Variants in ZMAT4 observed in about 807,000 individuals in gnomAD.
ZMAT4 encodes zinc finger matrin-type protein 4.
A neutral mutation model predicts 28.7 loss-of-function variants in ZMAT4; 17 were observed. The observed-to-expected ratio is 0.59, with a 90% CI of 0.41 to 0.89. The LOEUF is 0.89. Among genes scored for constraint, ZMAT4 ranks in the 40% least tolerant of loss-of-function variants. ZMAT4 has a pLI of 0.00. For synonymous variants in ZMAT4, 117 were observed against 109.2 expected (o/e 1.07, Z -0.44); for missense variants, 240 against 283.8 (o/e 0.85, Z 1.11).
intron 1 of ZMAT4, among the ~76,000 whole-genome samples, chr8:40,830,157 TG>T (rs1816227105): frequency 2.0e-5 from 3 of 152,302 alleles, no homozygotes; most frequent in South Asian, 4.1e-4. Context: ...CAGAGAGACC[TG>T]GGGCTTCATG....
At chr8:40,890,581 C>T (rs1000345913) in intron 1 of ZMAT4, among the ~76,000 whole-genome samples, 2 of 152,088 alleles carry the variant, frequency 1.3e-5, no homozygotes, top group South Asian at 2.1e-4. Context: ...CTCCCCTTTG[C>T]GCCCCTCTCA....
At chr8:40,785,391 T>C (rs2150574826) in intron 2 of ZMAT4, among the ~76,000 whole-genome samples, 1 of 152,350 alleles carries the variant, frequency 6.6e-6, no homozygotes, top group South Asian at 2.1e-4. Context: ...CAAAGAACAA[T>C]GCATGTTAGA....
chr8:40,671,001 G>T (rs1349679069), intron 5 of ZMAT4, among the ~76,000 whole-genome samples: 2 of 150,960 alleles, frequency 1.3e-5, no homozygotes, highest in African/African-American at 2.4e-5. Flanking sequence ...CTGGGAGGCA[G>T]AGGTTGCAGT....
intron 6 of ZMAT4, among the ~76,000 whole-genome samples, chr8:40,543,185 T>C (rs773212865): frequency 2.6e-5 from 4 of 152,046 alleles, no homozygotes; most frequent in Non-Finnish European, 4.4e-5. Context: ...TCCATATCCA[T>C]TACTGAAAGC....
intron 5 of ZMAT4, among the ~76,000 whole-genome samples, chr8:40,616,760 T>C (rs1806023019): frequency 6.6e-6 from 1 of 151,656 alleles, no homozygotes; most frequent in South Asian, 2.1e-4. Flanking sequence ...GGAGGAGGGA[T>C]AGCATTAGGA....
intron 6 of ZMAT4, among the ~76,000 whole-genome samples, chr8:40,552,138 C>T (rs560738865): frequency 6.6e-6 from 1 of 152,284 alleles, no homozygotes; most frequent in South Asian, 2.1e-4. Flanking sequence ...AAAGATTTCT[C>T]ATAATAGCCC....
chr8:40,725,639 T>A (rs1405985237), intron 3 of ZMAT4, among the ~76,000 whole-genome samples: 7 of 152,120 alleles, frequency 4.6e-5, no homozygotes, highest in Non-Finnish European at 1.0e-4. Context: ...GTACACTAAA[T>A]ATCTCCTTTA....
At chr8:40,763,232 G>A (rs1314246190) in intron 3 of ZMAT4, among the ~76,000 whole-genome samples, 1 of 152,182 alleles carries the variant, frequency 6.6e-6, no homozygotes, top group Non-Finnish European at 1.5e-5. Context: ...GTCCCCCAGC[G>A]CTTTGCAGAT....
At chr8:40,613,103 G>T (rs909516620) in intron 5 of ZMAT4, among the ~76,000 whole-genome samples, 1 of 151,292 alleles carries the variant, frequency 6.6e-6, no homozygotes, top group African/African-American at 2.4e-5. Context: ...GAGCCACCGT[G>T]ACCGGCCTCT....
chr8:40,872,119 G>A (rs1201299558), intron 1 of ZMAT4, among the ~76,000 whole-genome samples: 1 of 152,188 alleles, frequency 6.6e-6, no homozygotes, highest in Non-Finnish European at 1.5e-5. Flanking sequence ...GGACCTCTGA[G>A]GTTGCACTGA....
intron 3 of ZMAT4, among the ~76,000 whole-genome samples, chr8:40,709,869 T>C (rs1585917368): frequency 6.6e-6 from 1 of 151,946 alleles, no homozygotes; most frequent in Non-Finnish European, 1.5e-5. Context: ...AAACTCTGTC[T>C]CTACTAAAAA....
rs1399876587 is a variant in ZMAT4 at position 40,636,142 on chromosome 8, G to T, written c.577+38562C>A. 2.0e-5 allele frequency among the ~76,000 whole-genome samples: 3 copies of T among 152,302 alleles called. No homozygotes were observed. The East Asian group carries it at 5.8e-4, about 29-fold the overall frequency. Reference sequence around the variant, plus strand: ...CATACATGCCTCTCAATATTCAATTGCTTTTTAATTCAGTGGACGTGAGAA... The same window carrying T: ...CATACATGCCTCTCAATATTCAATTTCTTTTTAATTCAGTGGACGTGAGAA... On this transcript the variant is annotated intron_variant, in intron 5 of 6. Coordinates refer to ENST00000297737, the MANE Select transcript of ZMAT4 (RefSeq NM_024645.3).
chr8:40,756,330 G>A (rs1016588360), intron 3 of ZMAT4, among the ~76,000 whole-genome samples: 6 of 150,334 alleles, frequency 4.0e-5, no homozygotes, highest in East Asian at 2.0e-4. Context: ...CAGTGTAGAC[G>A]AATACAGCTT....
intron 3 of ZMAT4, among the ~76,000 whole-genome samples, chr8:40,723,400 C>T (rs893705415): frequency 1.3e-5 from 2 of 151,764 alleles, no homozygotes; most frequent in African/African-American, 4.8e-5. Flanking sequence ...AAAATTAGCT[C>T]GGCATGGTGG....
chr8:40,884,744 G>A (rs1183963060), intron 1 of ZMAT4: 1 of 152,352 alleles, frequency 6.6e-6, no homozygotes, highest in Admixed American at 6.5e-5. Flanking sequence ...CCCCATTGCT[G>A]GTTCCTCTCC....
intron 6 of ZMAT4, among the ~76,000 whole-genome samples, chr8:40,563,241 C>G (rs1438535929): frequency 6.6e-6 from 1 of 152,208 alleles, no homozygotes; most frequent in African/African-American, 2.4e-5. Context: ...TTACTCATGT[C>G]TGCATCATCT....
chr8:40,726,791 C>A (rs181410937), intron 3 of ZMAT4, among the ~76,000 whole-genome samples: 2 of 152,164 alleles, frequency 1.3e-5, no homozygotes, highest in African/African-American at 4.8e-5. Context: ...ACAATATGGC[C>A]GGCAGAGTCT....
At chr8:40,873,869 C>T (rs1817947339) in intron 1 of ZMAT4, among the ~76,000 whole-genome samples, 1 of 152,150 alleles carries the variant, frequency 6.6e-6, no homozygotes, top group Non-Finnish European at 1.5e-5. Context: ...GAGCTTTCCA[C>T]CCTGGGATGC....
intron 3 of ZMAT4, among the ~76,000 whole-genome samples, chr8:40,707,984 A>T (rs1044327743): frequency 5.9e-5 from 9 of 152,294 alleles, no homozygotes; most frequent in South Asian, 2.1e-4. Flanking sequence ...TCGTTTTTTT[A>T]AAATCTCTCT....
Sources: allele counts gnomAD v4.1 joint callset (sites outside exome capture counted in the v4.1 genomes callset), GRCh38; gene constraint gnomAD v4.1.1; transcripts MANE v1.5; gene names NCBI Gene and HGNC (gene_info 2026-07-23, HGNC 2026-07-21).